Variants in METTL3 observed in about 807,000 individuals in gnomAD.
METTL3 encodes methyltransferase 3, N6-adenosine-methyltransferase complex catalytic subunit.
A neutral mutation model predicts 64.3 loss-of-function variants in METTL3; 42 were observed. The ratio of observed to expected loss-of-function variants is 0.65; its 90% confidence interval spans 0.51 to 0.84. The LOEUF is 0.84. Ranked by LOEUF, METTL3 falls within the 40% of genes least tolerant of loss-of-function variation. The pLI is 0.00. For missense variants in METTL3, 435 were observed against 722.3 expected, an observed-to-expected ratio of 0.60 and a Z score of 4.56; for synonymous variants, 256 against 263.6, an observed-to-expected ratio of 0.97 and a Z score of 0.28.
At chr14:21,499,635 A>G (rs540836022) in intron 7 of METTL3, 35 bp from the exon 8 acceptor site, 1 of 1,602,576 alleles carries the variant, frequency 6.2e-7, no homozygotes, top group South Asian at 1.1e-5. Flanking sequence ...AATTTTAGCC[A>G]AACTTTTACA....
chr14:21,511,026 G>C, intron 1 of METTL3, 98 bp downstream of exon 1: 1 of 1,363,866 alleles, frequency 7.3e-7, no homozygotes, highest in African/African-American at 1.5e-5. Flanking sequence ...TTATAGAAAT[G>C]GCCGTTTGGT....
intron 1 of METTL3, chr14:21,507,693 T>C (rs1891732644): frequency 6.6e-6 from 1 of 152,088 alleles, no homozygotes; most frequent in African/African-American, 2.4e-5. Context: ...AATGGAATAA[T>C]CTGAACTTTT....
intron 10 of METTL3, chr14:21,498,701 G>T: frequency 2.2e-6 from 1 of 464,076 alleles, no homozygotes; most frequent in East Asian, 3.8e-5. Flanking sequence ...GGTGAAAGAT[G>T]TAATTATTGA....
At chr14:21,500,832 G>A (rs969563716) in intron 5 of METTL3, 81 bp downstream of exon 5, 24 of 1,454,424 alleles carry the variant, frequency 1.7e-5, no homozygotes, top group Non-Finnish European at 2.3e-5. Context: ...GCTGAATTAT[G>A]CTCTGCTTTC....
At chr14:21,502,014 T>A in intron 3 of METTL3, 111 bp from the exon 4 acceptor site, 8 of 166,526 alleles carry the variant, frequency 4.8e-5, no homozygotes, top group African/African-American at 8.9e-5. Context: ...TAAATCAACT[T>A]TTTTTTTTTT....
intron 4 of METTL3, 159 bp from the exon 5 acceptor site, chr14:21,501,288 C>T: frequency 1.6e-6 from 1 of 624,632 alleles, no homozygotes; most frequent in South Asian, 2.0e-5. Context: ...GCATGGAAAT[C>T]CATAATTCAT....
At chr14:21,502,946 G>A (rs2139644697) in intron 3 of METTL3, 2 of 523,218 alleles carry the variant, frequency 3.8e-6, no homozygotes, top group Non-Finnish European at 6.8e-6. Context: ...TAGGATGTTT[G>A]ACAACATCCC....
At chr14:21,498,688 A>G (rs940077564) in intron 10 of METTL3, 3 of 474,126 alleles carry the variant, frequency 6.3e-6, no homozygotes, top group Non-Finnish European at 1.1e-5. Context: ...AGCTCTGTTA[A>G]GGGGTGAAAG....
At chr14:21,503,934 T>C in intron 1 of METTL3, 53 bp from the exon 2 acceptor site, 1 of 1,542,918 alleles carries the variant, frequency 6.5e-7, no homozygotes, top group Non-Finnish European at 8.9e-7. Flanking sequence ...TTGGTCTATA[T>C]ATTTCTGAGA....
intron 1 of METTL3, 27 bp downstream of exon 1, chr14:21,511,097 C>G (rs375914881): frequency 6.2e-7 from 1 of 1,610,868 alleles, no homozygotes; most frequent in African/African-American, 1.3e-5. Context: ...CCGGTTGAGC[C>G]TCGGCCCCAA....
chr14:21,500,949 T>C lies in METTL3; in HGVS notation c.1080A>G (p.Gly360=). Residue 360 remains glycine, a synonymous_variant, in exon 5 of 11, where the codon GGA becomes GGG. Coordinates refer to ENST00000298717, the MANE Select transcript of METTL3 (RefSeq NM_019852.5). ...AGAGTCGGTCTGCACTGGAATCACC[T>C]CCGACACTCTGTGTAAGAGCAAGCT... The part of the protein sequence containing the change: ...SQELALTQSV[G]GDSSADRLFP... 2 of 1,614,136 alleles carry C rather than the reference T, an allele frequency of 1.2e-6. No homozygotes were observed. The highest frequency in any genetic ancestry group is 1.7e-6 in the Non-Finnish European group (2 of 1,180,030).
rs1379895630 is a variant in METTL3 at position 21,511,335 on chromosome 14, GA to G, written c.-113del. On this transcript the variant is annotated 5_prime_UTR_variant, in exon 1 of 11. Transcript: ENST00000298717. The stretch of plus-strand genomic sequence containing the variant: ...ACGCGGACACCCCGAAGGCTAACCG[GA>G]AAATGACCCCTGGAGCTGAGCAAGA... The G allele has an allele frequency of 4.8e-6, 7 of 1,467,198 alleles. No individual in the cohort carries two copies. The highest frequency in any genetic ancestry group is 1.4e-5 in the African/African-American group (1 of 70,402). 90.9% of individuals were successfully genotyped at this position (1,467,198 alleles called of 1,614,324 possible).
At chr14:21,507,922 C>T (rs1891737363) in intron 1 of METTL3, 1 of 152,030 alleles carries the variant, frequency 6.6e-6, no homozygotes, top group South Asian at 2.1e-4. Context: ...AGCTCTCGGT[C>T]AGAAGACAAG....
intron 1 of METTL3, chr14:21,504,154 A>G (rs1219049660): frequency 2.5e-6 from 1 of 406,138 alleles, no homozygotes; most frequent in African/African-American, 2.0e-5. Context: ...AAAGAAAGTA[A>G]ATTAGCATGA....
chr14:21,510,762 A>C, intron 1 of METTL3: 2 of 239,042 alleles, frequency 8.4e-6, no homozygotes, highest in Non-Finnish European at 1.7e-5. Flanking sequence ...AACTGAGGGA[A>C]CAAAGCGCCA....
rs1230119701 is a variant in METTL3, at chr14:21,500,946, A to G, written c.1083T>C (p.Gly361=). ...QELALTQSVG[G]DSSADRLFPP... ...GGAAGAGTCGGTCTGCACTGGAATCACCTCCGACACTCTGTGTAAGAGCAA... is the reference window on the plus strand; with the variant it reads ...GGAAGAGTCGGTCTGCACTGGAATCGCCTCCGACACTCTGTGTAAGAGCAA... Residue 361 remains glycine, a synonymous_variant, in exon 5 of 11, where the codon GGT becomes GGC. Coordinates refer to ENST00000298717, the MANE Select transcript of METTL3 (RefSeq NM_019852.5). The G allele has an allele frequency of 1.2e-6, 2 of 1,613,980 alleles. No individual in the cohort carries two copies. Among genetic ancestry groups the G allele is most frequent in the Admixed American group, 1.7e-5 (1 of 60,006 alleles).
intron 1 of METTL3, among the ~76,000 whole-genome samples, chr14:21,506,758 A>G (rs1193031026): frequency 6.6e-6 from 1 of 152,142 alleles, no homozygotes; most frequent in Admixed American, 6.5e-5. Context: ...ATGGAGGCTT[A>G]TGCCTGTAAT....
intron 1 of METTL3, among the ~76,000 whole-genome samples, chr14:21,509,331 C>T (rs1378955382): frequency 6.6e-6 from 1 of 152,134 alleles, no homozygotes; most frequent in East Asian, 1.9e-4. Flanking sequence ...CAGAGGGAGA[C>T]CCTGTCTCTA....
At chr14:21,502,968 C>T (rs574552139) in intron 3 of METTL3, 1 of 586,762 alleles carries the variant, frequency 1.7e-6, no homozygotes, top group East Asian at 2.8e-5. Context: ...GGCCTCTACC[C>T]CCACTAGATG....
Sources: gnomAD v4.1 joint callset for allele counts (sites outside exome capture counted in the v4.1 genomes callset) on GRCh38, gnomAD v4.1.1 for gene constraint, MANE v1.5 for transcripts, NCBI Gene and HGNC (gene_info 2026-07-23, HGNC 2026-07-21) for gene names.